ADCY5: variants seen among roughly 807,000 people sequenced by gnomAD.
ADCY5 encodes adenylate cyclase 5.
A neutral mutation model predicts 119.7 loss-of-function variants in ADCY5; 30 were observed. The ratio of observed to expected loss-of-function variants is 0.25; its 90% CI spans 0.19 to 0.34. ADCY5 has a LOEUF of 0.34. Among genes scored for constraint, ADCY5 ranks in the 10% least tolerant of loss-of-function variants. ADCY5 has a pLI of 1.00. For missense variants in ADCY5, 1,324 were observed against 1,775.2 expected (o/e 0.75, Z 4.57); for synonymous variants, 753 against 762.2 (o/e 0.99, Z 0.20).
rs1576705305 is a variant in ADCY5 at position 123,448,826 on chromosome 3, G to C, written c.-281C>G. 1 of 343,160 alleles carries C rather than the reference G, an allele frequency of 2.9e-6. No individual in the cohort carries two copies. Among genetic ancestry groups the C allele is most frequent in the Non-Finnish European group, 5.3e-6 (1 of 190,182 alleles). The allele number at this position is 343,160 out of a possible 1,614,324, so 21.3% of individuals were successfully genotyped here. A position where few individuals can be genotyped will look rare whatever the true frequency, so the allele number is the denominator to read the frequency against. On this transcript the variant is annotated 5_prime_UTR_variant, in exon 1 of 21. Transcript: ENST00000462833. ...GGTCGCAGGGACTGGTCTGGCTGCT[G>C]CTGCGCCGCACGCGGAGAGACGTCC...
chr3:123,443,358 G>A (rs1456922377), intron 1 of ADCY5, among the ~76,000 whole-genome samples: 1 of 152,184 alleles, frequency 6.6e-6, no homozygotes, highest in African/African-American at 2.4e-5. Context: ...TACCAGCCAA[G>A]AATAAACAGG....
At chr3:123,358,290 T>C (rs1576619585) in intron 1 of ADCY5, among the ~76,000 whole-genome samples, 1 of 152,036 alleles carries the variant, frequency 6.6e-6, no homozygotes, top group East Asian at 1.9e-4. Flanking sequence ...ACTGCAGCCC[T>C]GGAGTAGCCT....
chr3:123,347,610 A>C (rs983000836), intron 3 of ADCY5, among the ~76,000 whole-genome samples, 172 bp downstream of exon 3: 2 of 152,012 alleles, frequency 1.3e-5, no homozygotes, highest in Non-Finnish European at 2.9e-5. Flanking sequence ...ACACCATGAT[A>C]ATTCACTCAT....
intron 1 of ADCY5, chr3:123,367,775 T>C: frequency 7.4e-7 from 1 of 1,343,048 alleles, no homozygotes; most frequent in Non-Finnish European, 1.0e-6. Flanking sequence ...CCTAGCCTGA[T>C]CCACTCATGC....
chr3:123,350,625 GC>G (rs1385691729), intron 2 of ADCY5, among the ~76,000 whole-genome samples: 1 of 152,196 alleles, frequency 6.6e-6, no homozygotes, highest in African/African-American at 2.4e-5. Flanking sequence ...CCCCCAGGGA[GC>G]CCCAGCAGCT....
intron 14 of ADCY5, among the ~76,000 whole-genome samples, chr3:123,301,627 G>T (rs1939857669): frequency 6.6e-6 from 1 of 152,202 alleles, no homozygotes; most frequent in Non-Finnish European, 1.5e-5. Context: ...GGGGCTGAAG[G>T]CTGGCACCAA....
At chr3:123,326,430 G>T (rs1214636962) in intron 7 of ADCY5, among the ~76,000 whole-genome samples, 4 of 152,180 alleles carry the variant, frequency 2.6e-5, no homozygotes, top group Non-Finnish European at 1.5e-5. Flanking sequence ...GACATTGCTG[G>T]TGGGGGTGCC....
rs562867487 is a variant in ADCY5 at position 123,319,565 on chromosome 3, C to T, written c.2256+109G>A. The T allele has an allele frequency of 4.7e-4, 643 of 1,376,034 alleles. 4 individuals are homozygous for T. In the African/African-American group the frequency reaches 8.4e-3, roughly 18 times the overall value. The allele number at this position is 1,376,034 out of a possible 1,614,324, so 85.2% of individuals were successfully genotyped here. A position where few individuals can be genotyped will look rare whatever the true frequency, so the allele number is the denominator to read the frequency against. On this transcript the variant is annotated intron_variant, in intron 10 of 20. Coordinates refer to ENST00000462833, the MANE Select transcript of ADCY5 (RefSeq NM_183357.3). The stretch of plus-strand genomic sequence containing the variant: ...GCATCAGAGCTGGGGAAACTGAGGC[C>T]ACCCCTTCCGTGGTGCTGGGGGCAT...
chr3:123,421,169 TG>T lies in ADCY5; in HGVS notation c.1134+26242del, dbSNP rs1306843434. The stretch of plus-strand genomic sequence containing the variant: ...TTTAACATATAACAGACCCCAAGGA[TG>T]GGAATCACTCCAGGTGCTTATTGTT... On this transcript the variant is annotated intron_variant, in intron 1 of 20. Transcript: ENST00000462833. Among the ~76,000 whole-genome samples the T allele has an allele frequency of 4.6e-5, 7 of 152,326 alleles. No homozygotes were observed. In the East Asian group the frequency reaches 1.3e-3, roughly 29 times the overall value.
At chr3:123,321,427 C>T (rs527368934) in intron 8 of ADCY5, among the ~76,000 whole-genome samples, 40 of 152,190 alleles carry the variant, frequency 2.6e-4, no homozygotes, top group Non-Finnish European at 4.9e-4. Context: ...GGGCCCTTAC[C>T]GGCTGTCAAA....
chr3:123,416,125 G>A, intron 1 of ADCY5: 2 of 1,527,536 alleles, frequency 1.3e-6, no homozygotes, highest in Non-Finnish European at 1.8e-6. Flanking sequence ...CAAAGGAGAA[G>A]GAGAATCAGC....
chr3:123,390,002 T>G (rs1944355334), intron 1 of ADCY5, among the ~76,000 whole-genome samples: 1 of 152,134 alleles, frequency 6.6e-6, no homozygotes, highest in Admixed American at 6.5e-5. Context: ...CCTGGCTTCC[T>G]ACAGGGCCTG....
At chr3:123,418,751 A>T (rs1046222483) in intron 1 of ADCY5, 1 of 152,236 alleles carries the variant, frequency 6.6e-6, no homozygotes, top group Non-Finnish European at 1.5e-5. Context: ...TTCGGTGGAA[A>T]CAAACTCAAA....
At chr3:123,376,547 C>T (rs1464326508) in intron 1 of ADCY5, among the ~76,000 whole-genome samples, 2 of 152,268 alleles carry the variant, frequency 1.3e-5, no homozygotes, top group East Asian at 3.9e-4. Flanking sequence ...GGTCTCACCC[C>T]ACTCAGGGCC....
rs1432327957 is a variant in ADCY5 at position 123,328,787 on chromosome 3, C to A, written c.1662G>T (p.Val554=). 1 of 1,614,216 alleles carries A rather than the reference C, an allele frequency of 6.2e-7. No individual in the cohort carries two copies. The highest frequency in any genetic ancestry group is 1.7e-5 in the Admixed American group (1 of 60,030). ...MIEAISLVRE[V]TGVNVNMRVG... ...CACGCATGTTCACGTTCACCCCTGT[C>A]ACCTCCCGGACCAACCTGGGGATGG... Residue 554 remains valine, a synonymous_variant, in exon 6 of 21, where the codon GTG becomes GTT. Transcript: ENST00000462833.
At position 123,328,633 on chromosome 3, in the gene ADCY5, C is replaced by A. The variant is rs746135304; in HGVS notation, c.1805+11G>T. 1 of 1,613,386 alleles carries A rather than the reference C, an allele frequency of 6.2e-7. No individual in the cohort carries two copies. The highest frequency in any genetic ancestry group is 8.5e-7 in the Non-Finnish European group (1 of 1,179,834). Reference sequence around the variant, plus strand: ...GGTCGGGGCCCCAAGCCACCCACAGCTGTCACTCACCCTGCCTTGCCGCCA... The same window carrying A: ...GGTCGGGGCCCCAAGCCACCCACAGATGTCACTCACCCTGCCTTGCCGCCA... On this transcript the variant is annotated intron_variant, in intron 6 of 20. Coordinates refer to ENST00000462833, the MANE Select transcript of ADCY5 (RefSeq NM_183357.3).
At chr3:123,418,261 A>T (rs1259001714) in intron 1 of ADCY5, among the ~76,000 whole-genome samples, 1 of 152,246 alleles carries the variant, frequency 6.6e-6, no homozygotes, top group African/African-American at 2.4e-5. Flanking sequence ...GTAAAACATT[A>T]TATCTGGGTG....
At chr3:123,391,515 T>C (rs1685160625) in intron 1 of ADCY5, among the ~76,000 whole-genome samples, 2 of 151,986 alleles carry the variant, frequency 1.3e-5, no homozygotes, top group Admixed American at 1.3e-4. Flanking sequence ...AATGGAGACG[T>C]CCTTCCCAGG....
intron 13 of ADCY5, among the ~76,000 whole-genome samples, chr3:123,303,560 C>T: frequency 6.6e-6 from 1 of 152,108 alleles, no homozygotes; most frequent in Non-Finnish European, 1.5e-5. Context: ...GCCTGTAATC[C>T]CAGTACTTTG....
Sources: allele counts gnomAD v4.1 joint callset (sites outside exome capture counted in the v4.1 genomes callset), GRCh38; gene constraint gnomAD v4.1.1; transcripts MANE v1.5; gene names NCBI Gene and HGNC (gene_info 2026-07-23, HGNC 2026-07-21).